Variants in SLC10A7 observed in about 807,000 individuals in gnomAD.
The protein encoded by SLC10A7 is solute carrier family 10 member 7.
SLC10A7 carries 29 observed loss-of-function variants against 43.2 expected under a neutral mutation model. That is an observed-to-expected ratio of 0.67 (90% CI 0.50 to 0.92). SLC10A7 has a LOEUF of 0.92. SLC10A7 is among the 40% of genes least tolerant of loss of function. SLC10A7 has a pLI of 0.00. For synonymous variants in SLC10A7, 152 were observed against 144.8 expected, an observed-to-expected ratio of 1.05 and a Z score of -0.35; for missense variants, 295 against 403.2, an observed-to-expected ratio of 0.73 and a Z score of 2.30.
intron 4 of SLC10A7, among the ~76,000 whole-genome samples, chr4:146,467,559 TC>T (rs1733149883): frequency 4.1e-5 from 4 of 97,272 alleles, no homozygotes; most frequent in African/African-American, 8.7e-5. Context: ...TTTTTCTTTC[TC>T]TCTTTTTTTT....
chr4:146,507,906 A>G (rs1036406240), intron 3 of SLC10A7, among the ~76,000 whole-genome samples: 2 of 152,216 alleles, frequency 1.3e-5, no homozygotes, highest in African/African-American at 4.8e-5. Context: ...ACACTCCTTT[A>G]AGTTCAACAT....
At chr4:146,258,297 T>C (rs72727988) in intron 11 of SLC10A7, among the ~76,000 whole-genome samples, 6,837 of 152,258 alleles carry the variant, frequency 0.045, 186 homozygotes, top group Middle Eastern at 0.082. Flanking sequence ...TAATGCCAGG[T>C]TCTATCTTAT....
chr4:146,267,561 T>C (rs1728638836), intron 10 of SLC10A7, among the ~76,000 whole-genome samples: 1 of 152,210 alleles, frequency 6.6e-6, no homozygotes, highest in South Asian at 2.1e-4. Context: ...TGCCTTACCC[T>C]TGCCAGTGAT....
rs908965831 is a variant in SLC10A7 at position 146,471,785 on chromosome 4, A to G, written c.397-28964T>C. 2.0e-5 allele frequency among the ~76,000 whole-genome samples: 3 copies of G among 152,178 alleles called. No homozygotes were observed. The South Asian group carries it at 6.2e-4, about 31-fold the overall frequency. On this transcript the variant is annotated intron_variant, in intron 4 of 11. Transcript: ENST00000335472. ...TGAGAAGTAAAATAATTTATCTAAA[A>G]TCAGATAGTACTTAATTAGTAGAGC...
chr4:146,477,890 T>C (rs1313817917), intron 4 of SLC10A7: 1 of 152,252 alleles, frequency 6.6e-6, no homozygotes, highest in Non-Finnish European at 1.5e-5. Context: ...CATTTCATGA[T>C]AAATGATAAC....
intron 6 of SLC10A7, among the ~76,000 whole-genome samples, chr4:146,322,291 T>C (rs979954095): frequency 1.3e-5 from 2 of 152,094 alleles, no homozygotes; most frequent in African/African-American, 4.8e-5. Flanking sequence ...TACATATGTA[T>C]ACATGTGCCA....
intron 5 of SLC10A7, among the ~76,000 whole-genome samples, chr4:146,401,562 G>A (rs957645670): frequency 6.6e-6 from 1 of 152,090 alleles, no homozygotes; most frequent in Admixed American, 6.5e-5. Flanking sequence ...CCTCTTACAC[G>A]CCAGTAACTC....
At chr4:146,443,167 A>C (rs1267774750) in intron 4 of SLC10A7, among the ~76,000 whole-genome samples, 1 of 152,152 alleles carries the variant, frequency 6.6e-6, no homozygotes, top group African/African-American at 2.4e-5. Flanking sequence ...AGATTGATTT[A>C]TTTGTTTAAA....
At chr4:146,462,553 G>T (rs934153359) in intron 4 of SLC10A7, among the ~76,000 whole-genome samples, 7 of 152,088 alleles carry the variant, frequency 4.6e-5, no homozygotes, top group African/African-American at 1.7e-4. Flanking sequence ...ATGCTATGTA[G>T]CTAAGATATA....
At chr4:146,501,210 C>A (rs147443517) in intron 4 of SLC10A7, among the ~76,000 whole-genome samples, 16 of 152,254 alleles carry the variant, frequency 1.1e-4, no homozygotes, top group African/African-American at 3.6e-4. Flanking sequence ...ACTGATGATT[C>A]CCTAATTTAT....
At chr4:146,265,246 G>A (rs1728482111) in intron 10 of SLC10A7, among the ~76,000 whole-genome samples, 2 of 152,188 alleles carry the variant, frequency 1.3e-5, no homozygotes, top group Non-Finnish European at 2.9e-5. Context: ...AATGGCCTAC[G>A]CTGGTATGCA....
intron 1 of SLC10A7, among the ~76,000 whole-genome samples, chr4:146,519,257 T>C (rs1280866507): frequency 1.4e-5 from 2 of 142,486 alleles, no homozygotes; most frequent in East Asian, 2.0e-4. Flanking sequence ...ATATTTTATA[T>C]AATATATAAC....
At chr4:146,399,608 T>C (rs1038715977) in intron 5 of SLC10A7, among the ~76,000 whole-genome samples, 10 of 152,038 alleles carry the variant, frequency 6.6e-5, no homozygotes, top group African/African-American at 2.2e-4. Context: ...TGAAGAGAAG[T>C]TGATAAACTC....
intron 9 of SLC10A7, among the ~76,000 whole-genome samples, chr4:146,287,674 T>C (rs11723624): frequency 0.024 from 3,678 of 152,274 alleles, 65 homozygotes; most frequent in Non-Finnish European, 0.04. Flanking sequence ...CCTCCAGTGA[T>C]TGTAGAACAT....
chr4:146,456,479 A>G (rs1388915654), intron 4 of SLC10A7, among the ~76,000 whole-genome samples: 1 of 151,948 alleles, frequency 6.6e-6, no homozygotes, highest in Non-Finnish European at 1.5e-5. Flanking sequence ...CAGGCTATCC[A>G]CACTTTTGAC....
intron 4 of SLC10A7, among the ~76,000 whole-genome samples, chr4:146,453,640 CT>C (rs35399979): frequency 3.3e-5 from 5 of 151,804 alleles, no homozygotes; most frequent in Non-Finnish European, 5.9e-5. Flanking sequence ...TGTGCTGAGG[CT>C]TTTTTTAAAA....
chr4:146,433,290 T>G (rs1342786711), intron 5 of SLC10A7, among the ~76,000 whole-genome samples: 1 of 150,224 alleles, frequency 6.7e-6, no homozygotes. Flanking sequence ...GCCTCCCGAG[T>G]AGCTGGGATT....
Position 146,416,575 on chromosome 4 carries a change from A to G in SLC10A7, c.435+26208T>C, listed in dbSNP as rs150705636. ...TGATGGAAGACAGGAATCAAAAAAAATTTCACAATAATTACTTAAAGTTCT... is the reference window on the plus strand; with the variant it reads ...TGATGGAAGACAGGAATCAAAAAAAGTTTCACAATAATTACTTAAAGTTCT... On this transcript the variant is annotated intron_variant, in intron 5 of 11. Coordinates refer to ENST00000335472, the MANE Select transcript of SLC10A7 (RefSeq NM_001029998.6). 1.5e-3 allele frequency among the ~76,000 whole-genome samples: 233 copies of G among 152,332 alleles called. 2 individuals are homozygous for G. Among genetic ancestry groups the G allele is most frequent in the African/African-American group, 5.4e-3 (223 of 41,586 alleles).
intron 3 of SLC10A7, among the ~76,000 whole-genome samples, chr4:146,504,310 G>C (rs1442097046): frequency 6.6e-6 from 1 of 152,042 alleles, no homozygotes; most frequent in African/African-American, 2.4e-5. Flanking sequence ...ACGAGGTCAG[G>C]AGATCGAGAC....
Sources: allele counts gnomAD v4.1 joint callset (sites outside exome capture counted in the v4.1 genomes callset), GRCh38; gene constraint gnomAD v4.1.1; transcripts MANE v1.5; gene names NCBI Gene and HGNC (gene_info 2026-07-23, HGNC 2026-07-21).